RAD51B: variants seen among roughly 807,000 people sequenced by gnomAD.
The protein encoded by RAD51B is RAD51 paralog B.
Under a neutral mutation model 42.2 loss-of-function variants are expected in RAD51B, and 38 were observed. The ratio of observed to expected loss-of-function variants is 0.90; its 90% CI spans 0.70 to 1.18. The LOEUF (loss-of-function observed/expected upper bound fraction) is 1.18, where lower values mean the gene tolerates loss of function less well. RAD51B is among the 50% of genes most tolerant of loss of function. The probability of loss-of-function intolerance (pLI) is 0.00; values close to 1 mark genes in which losing one functional copy is unlikely to be tolerated. For synonymous variants in RAD51B, 154 were observed against 145.2 expected (o/e 1.06, Z -0.43); for missense variants, 373 against 400.7 (o/e 0.93, Z 0.59).
intron 9 of RAD51B, among the ~76,000 whole-genome samples, chr14:68,436,292 C>T (rs1233486876): frequency 1.3e-5 from 2 of 152,268 alleles, no homozygotes; most frequent in African/African-American, 4.8e-5. Flanking sequence ...TTCCCCATTG[C>T]TTATTTTTCT....
chr14:68,132,810 C>A (rs572523174), intron 7 of RAD51B, among the ~76,000 whole-genome samples: 1 of 152,328 alleles, frequency 6.6e-6, no homozygotes, highest in Admixed American at 6.5e-5. Flanking sequence ...CTAAGCATGC[C>A]TGGGTTATAC....
intron 7 of RAD51B, among the ~76,000 whole-genome samples, chr14:68,013,461 G>A (rs529097568): frequency 5.9e-5 from 9 of 152,218 alleles, no homozygotes; most frequent in African/African-American, 1.9e-4. Flanking sequence ...CCAGAAATAC[G>A]GCTGAAGCCA....
At position 68,540,976 on chromosome 14, in the gene RAD51B, A is replaced by C. The variant is rs1324315748; in HGVS notation, c.1037-53509A>C. 4.1e-6 allele frequency: 4 copies of C among 985,358 alleles called. No individual in the cohort carries two copies. The African/African-American group carries it at 7.0e-5, about 17-fold the overall frequency. The allele number at this position is 985,358 out of a possible 1,614,324, so 61.0% of individuals were successfully genotyped here. ...ACAACTATAATACATCTTTGACCAT[A>C]AAAAGTGGTTGTTATTGCTATCATT... On this transcript the variant is annotated intron_variant, in intron 10 of 10. Transcript: ENST00000487270.
chr14:68,547,397 T>C (rs1299872831), intron 10 of RAD51B, among the ~76,000 whole-genome samples: 1 of 152,186 alleles, frequency 6.6e-6, no homozygotes, highest in East Asian at 1.9e-4. Flanking sequence ...CCAGGGACTT[T>C]ACTCAAGTCA....
intron 7 of RAD51B, among the ~76,000 whole-genome samples, chr14:68,133,396 A>G (rs1253979225): frequency 6.6e-6 from 1 of 152,256 alleles, no homozygotes; most frequent in African/African-American, 2.4e-5. Flanking sequence ...AAGAGAAGTC[A>G]TGTATGCTTT....
intron 7 of RAD51B, among the ~76,000 whole-genome samples, chr14:68,287,588 G>A (rs1160267807): frequency 6.6e-6 from 1 of 152,176 alleles, no homozygotes; most frequent in Non-Finnish European, 1.5e-5. Flanking sequence ...AATTGGTGGT[G>A]TTGGGGGTGT....
intron 7 of RAD51B, among the ~76,000 whole-genome samples, chr14:67,892,218 T>C (rs2043240254): frequency 6.6e-6 from 1 of 152,200 alleles, no homozygotes; most frequent in Non-Finnish European, 1.5e-5. Context: ...TATCCTATGT[T>C]CATTCAGGTC....
chr14:67,937,584 G>A (rs1056843862), intron 7 of RAD51B, among the ~76,000 whole-genome samples: 5 of 152,172 alleles, frequency 3.3e-5, no homozygotes, highest in African/African-American at 1.2e-4. Flanking sequence ...GTGGTAAGGG[G>A]AAGGCAGGTA....
At chr14:68,101,881 A>C (rs1031765203) in intron 7 of RAD51B, among the ~76,000 whole-genome samples, 2 of 152,176 alleles carry the variant, frequency 1.3e-5, no homozygotes, top group African/African-American at 4.8e-5. Context: ...GAGGTTCTTT[A>C]TGAGGGCTCC....
chr14:68,560,906 C>T (rs1217473533), intron 10 of RAD51B, among the ~76,000 whole-genome samples: 3 of 152,168 alleles, frequency 2.0e-5, no homozygotes, highest in Non-Finnish European at 4.4e-5. Context: ...CTCCCTCATG[C>T]TCACTGGGAT....
At chr14:68,521,973 C>T (rs757219576) in intron 10 of RAD51B, among the ~76,000 whole-genome samples, 21 of 152,166 alleles carry the variant, frequency 1.4e-4, no homozygotes, top group Non-Finnish European at 2.2e-4. Flanking sequence ...CACAGCAACG[C>T]TATAAGGTTG....
intron 11 of RAD51B, among the ~76,000 whole-genome samples, chr14:68,669,358 C>T (rs986200984): frequency 6.6e-6 from 1 of 152,232 alleles, no homozygotes; most frequent in African/African-American, 2.4e-5. Flanking sequence ...CCCCTGCTTC[C>T]CTCTCCAGAG....
At chr14:67,957,887 A>G (rs2074583352) in intron 7 of RAD51B, among the ~76,000 whole-genome samples, 1 of 152,244 alleles carries the variant, frequency 6.6e-6, no homozygotes, top group Admixed American at 6.5e-5. Flanking sequence ...AGAATACAAA[A>G]TAGTCACAGT....
chr14:68,064,223 A>G (rs1474257626), intron 7 of RAD51B, among the ~76,000 whole-genome samples: 2 of 152,192 alleles, frequency 1.3e-5, no homozygotes, highest in African/African-American at 4.8e-5. Context: ...TTTGATCGGT[A>G]TAGTATTCAT....
chr14:67,996,215 G>T (rs1354477755), intron 7 of RAD51B, among the ~76,000 whole-genome samples: 1 of 151,672 alleles, frequency 6.6e-6, no homozygotes, highest in Non-Finnish European at 1.5e-5. Context: ...GGGGAACAAA[G>T]TGAGACCCGG....
intron 10 of RAD51B, chr14:68,563,192 A>G (rs1889241250): frequency 1.9e-5 from 19 of 985,468 alleles, no homozygotes; most frequent in Non-Finnish European, 2.3e-5. Flanking sequence ...GCCAAGCCCA[A>G]GGCTGAGGTG....
intron 7 of RAD51B, among the ~76,000 whole-genome samples, chr14:68,070,383 A>T (rs2140463336): frequency 6.6e-6 from 1 of 151,770 alleles, no homozygotes; most frequent in South Asian, 2.1e-4. Flanking sequence ...TATTTCCTAG[A>T]TTTTCTTTTA....
At chr14:68,309,083 A>G (rs1394551952) in intron 8 of RAD51B, among the ~76,000 whole-genome samples, 1 of 152,196 alleles carries the variant, frequency 6.6e-6, no homozygotes, top group South Asian at 2.1e-4. Flanking sequence ...TGTGTCACTT[A>G]AGATGGGCGT....
intron 8 of RAD51B, among the ~76,000 whole-genome samples, chr14:68,326,109 C>T (rs1304663171): frequency 1.4e-5 from 2 of 139,036 alleles, no homozygotes; most frequent in African/African-American, 5.4e-5. Context: ...GGTGCAATCT[C>T]GGCTCACTGC....
Sources: allele counts gnomAD v4.1 joint callset (sites outside exome capture counted in the v4.1 genomes callset), GRCh38; gene constraint gnomAD v4.1.1; transcripts MANE v1.5; gene names NCBI Gene and HGNC (gene_info 2026-07-23, HGNC 2026-07-21).